The following CDH5 variants were observed in gnomAD, a reference collection of about 807,000 sequenced individuals.
CDH5 encodes the protein cadherin 5, also known as cadherin-5.
A neutral mutation model predicts 62.0 loss-of-function variants in CDH5; 28 were observed. The observed-to-expected ratio is 0.45, with a 90% CI of 0.33 to 0.62. The LOEUF (loss-of-function observed/expected upper bound fraction) is 0.62, where lower values mean the gene tolerates loss of function less well. Ranked by LOEUF, CDH5 falls within the 20% of genes least tolerant of loss-of-function variation. CDH5 has a pLI of 0.02. For missense variants in CDH5, 940 were observed against 1,065.1 expected (o/e 0.88, Z 1.63); for synonymous variants, 464 against 445.8 (o/e 1.04, Z -0.52).
At chr16:66,371,276 G>A (rs1960682064) in intron 1 of CDH5, among the ~76,000 whole-genome samples, 1 of 152,130 alleles carries the variant, frequency 6.6e-6, no homozygotes, top group Non-Finnish European at 1.5e-5. Flanking sequence ...TGTGGAATGG[G>A]AAAGCGGTGG....
rs778104053 is a variant in CDH5 at position 66,402,886 on chromosome 16, C to T, written c.2072C>T (p.Pro691Leu). 2 of 1,610,186 alleles carry T rather than the reference C, an allele frequency of 1.2e-6. No individual in the cohort carries two copies. The highest frequency in any genetic ancestry group is 1.7e-5 in the Admixed American group (1 of 59,760). ...RPSLYAQVQKPPRHAPGAHGG... is the reference protein window; with the variant it reads ...RPSLYAQVQKLPRHAPGAHGG... ...TCCCTCTATGCGCAGGTGCAGAAGC[C>T]ACCGAGGCACGCGCCTGGGGCACAC... The change falls in exon 12 of 12, where the codon CCA (proline) becomes CTA (leucine). Residue 691 changes from proline to leucine, a missense_variant. Physicochemically the swap from Pro to Leu is moderately conservative, Grantham distance 98. Coordinates refer to ENST00000341529, the MANE Select transcript of CDH5 (RefSeq NM_001795.5).
At chr16:66,370,442 A>G (rs1196745327) in intron 1 of CDH5, among the ~76,000 whole-genome samples, 1 of 152,156 alleles carries the variant, frequency 6.6e-6, no homozygotes, top group East Asian at 1.9e-4. Context: ...TTTAAGTTAT[A>G]CCAACAATTG....
Position 66,403,322 on chromosome 16 carries a change from C to A in CDH5, c.*153C>A, listed in dbSNP as rs1377583449. On this transcript the variant is annotated 3_prime_UTR_variant, in exon 12 of 12. Coordinates refer to ENST00000341529, the MANE Select transcript of CDH5 (RefSeq NM_001795.5). The surrounding 1 kb of genome is among the most constrained non-coding windows in gnomAD (Gnocchi z 4.3). The stretch of plus-strand genomic sequence containing the variant: ...AGAGACCTCATCAGCCTTGGGATAG[C>A]AAACTCCAGGTTCCTGAAATATCCA... The A allele has an allele frequency of 6.2e-6, 4 of 643,376 alleles. No homozygotes were observed. In the Admixed American group the frequency reaches 1.2e-4, roughly 19 times the overall value. The allele number at this position is 643,376 out of a possible 1,614,324, so 39.9% of individuals were successfully genotyped here. A position where few individuals can be genotyped will look rare whatever the true frequency, so the allele number is the denominator to read the frequency against.
rs766833668 is a variant in CDH5, at chr16:66,385,579, C to G, written c.211-1230C>G. ...AGGGGAAAAGTTCTGATGCGTAGCA[C>G]TTGCCAATTTCCATGGTGTAAATAT... On this transcript the variant is annotated intron_variant, in intron 2 of 11. Coordinates refer to ENST00000341529, the MANE Select transcript of CDH5 (RefSeq NM_001795.5). Among the ~76,000 whole-genome samples, 6 of 152,320 alleles carry G rather than the reference C, an allele frequency of 3.9e-5. No homozygotes were observed. The East Asian group carries it at 9.6e-4, about 24-fold the overall frequency.
At chr16:66,371,877 G>A (rs889572179) in intron 1 of CDH5, among the ~76,000 whole-genome samples, 2 of 152,226 alleles carry the variant, frequency 1.3e-5, no homozygotes, top group East Asian at 1.9e-4. Flanking sequence ...AAAGCCAGGG[G>A]TCCCAGGCAG....
intron 7 of CDH5, among the ~76,000 whole-genome samples, chr16:66,395,125 C>T (rs1264196889): frequency 7.5e-6 from 1 of 133,974 alleles, no homozygotes; most frequent in African/African-American, 2.8e-5. Context: ...TGGCCTCAAG[C>T]AAACCTCCAG....
chr16:66,401,898 T>G (rs1961289442), intron 11 of CDH5, among the ~76,000 whole-genome samples: 1 of 152,186 alleles, frequency 6.6e-6, no homozygotes. Flanking sequence ...AAGGCCTGGA[T>G]ACAGCCACGG....
chr16:66,388,090 G>A (rs541904047), intron 3 of CDH5, among the ~76,000 whole-genome samples: 1 of 151,946 alleles, frequency 6.6e-6, no homozygotes, highest in Non-Finnish European at 1.5e-5. Context: ...TCCCCAGGAA[G>A]CACACAAACC....
intron 1 of CDH5, among the ~76,000 whole-genome samples, chr16:66,369,684 A>G (rs1960649254): frequency 6.6e-6 from 1 of 152,166 alleles, no homozygotes; most frequent in Non-Finnish European, 1.5e-5. Context: ...TTTAGAAGGC[A>G]AGGGGATAGA....
intron 7 of CDH5, chr16:66,392,797 A>ATTCGGC: frequency 5.5e-6 from 1 of 183,364 alleles, no homozygotes. Context: ...TTATACAGTG[A>ATTCGGC]AACAACACAG....
At chr16:66,399,788 T>A (rs1961249829) in intron 10 of CDH5, among the ~76,000 whole-genome samples, 1 of 152,242 alleles carries the variant, frequency 6.6e-6, no homozygotes, top group Non-Finnish European at 1.5e-5. Context: ...ATCATGAACA[T>A]CCTGCATGTC....
At chr16:66,368,030 G>A (rs1375106893) in intron 1 of CDH5, among the ~76,000 whole-genome samples, 1 of 152,204 alleles carries the variant, frequency 6.6e-6, no homozygotes, top group Non-Finnish European at 1.5e-5. Flanking sequence ...GCAGGTACGA[G>A]GAAGGGGGTG....
chr16:66,397,608 G>A (rs922136491), intron 8 of CDH5, among the ~76,000 whole-genome samples: 1 of 152,026 alleles, frequency 6.6e-6, no homozygotes, highest in Non-Finnish European at 1.5e-5. Context: ...CGGTAGCCTA[G>A]TTTACTGACC....
intron 9 of CDH5, 69 bp downstream of exon 9, chr16:66,398,175 AAC>A (rs1961220480): frequency 1.3e-6 from 2 of 1,578,486 alleles, no homozygotes; most frequent in Admixed American, 1.7e-5. Flanking sequence ...AGAACTGCTC[AAC>A]AGAGTCAGCA....
At chr16:66,384,162 G>T (rs1051847327) in intron 2 of CDH5, among the ~76,000 whole-genome samples, 1 of 134,808 alleles carries the variant, frequency 7.4e-6, no homozygotes, top group Non-Finnish European at 1.5e-5. Context: ...TTGGCTCACT[G>T]CAACCTCTGC....
intron 2 of CDH5, among the ~76,000 whole-genome samples, chr16:66,381,956 TCAGA>T (rs1463151830): frequency 6.6e-6 from 1 of 152,190 alleles, no homozygotes; most frequent in Non-Finnish European, 1.5e-5. Context: ...GCAGCATATG[TCAGA>T]CAAAGAACCC....
At chr16:66,380,256 C>A (rs372776948) in intron 2 of CDH5, among the ~76,000 whole-genome samples, 2 of 68,320 alleles carry the variant, frequency 2.9e-5, no homozygotes, top group East Asian at 5.5e-4. Context: ...GTGGTGATCA[C>A]GGTGATGGTG....
chr16:66,379,153 C>T (rs1351468625), intron 1 of CDH5, 166 bp from the exon 2 acceptor site: 7 of 615,878 alleles, frequency 1.1e-5, no homozygotes, highest in South Asian at 2.1e-5. Flanking sequence ...CATCCGAGTG[C>T]ATGACTGCTC....
chr16:66,392,180 G>C lies in CDH5; in HGVS notation c.1014G>C (p.Glu338Asp), dbSNP rs140200151. The C allele has an allele frequency of 3.4e-5, 55 of 1,614,016 alleles. No individual in the cohort carries two copies. The highest frequency in any genetic ancestry group is 4.7e-5 in the Non-Finnish European group (55 of 1,180,030). Reference sequence around the variant, plus strand: ...TCCAGCAATACAGCTTCATCGTCGAGGCCACAGACCCCACCATCGACCTCC... The same window carrying C: ...TCCAGCAATACAGCTTCATCGTCGACGCCACAGACCCCACCATCGACCTCC... ...EYIQQYSFIV[E>D]ATDPTIDLRY... The change falls in exon 7 of 12, where the codon GAG (glutamate) becomes GAC (aspartate). Residue 338 changes from glutamate (E) to aspartate (D), a missense_variant. Glu to Asp is a conservative substitution (Grantham distance 45, BLOSUM62 2). Transcript: ENST00000341529.
Sources: gnomAD v4.1 joint callset for allele counts (sites outside exome capture counted in the v4.1 genomes callset) on GRCh38, gnomAD v4.1.1 for gene constraint, Gnocchi (gnomAD v3.1) non-coding constraint, MANE v1.5 for transcripts, NCBI Gene and HGNC (gene_info 2026-07-23, HGNC 2026-07-21) for gene names.